LRRC37A2: variants seen among roughly 807,000 people sequenced by gnomAD.
LRRC37A2 encodes the protein leucine rich repeat containing 37 member A2, also known as leucine-rich repeat-containing protein 37A2.
A neutral mutation model predicts 68.8 loss-of-function variants in LRRC37A2; 9 were observed. The ratio of observed to expected loss-of-function variants is 0.13; its 90% CI spans 0.08 to 0.23. LRRC37A2 has a LOEUF of 0.23. Among genes scored for constraint, LRRC37A2 ranks in the 10% least tolerant of loss-of-function variants. LRRC37A2 has a pLI of 1.00. For synonymous variants in LRRC37A2, 63 were observed against 367.6 expected (o/e 0.17, Z 9.48); for missense variants, 168 against 950.4 (o/e 0.18, Z 10.82).
chr17:46,681,482 C>T, the LRRC37A2 span, among the ~76,000 whole-genome samples: 1 of 143,604 alleles, frequency 7.0e-6, no homozygotes, highest in African/African-American at 2.6e-5. Context: ...AGAATGAGAC[C>T]CTGTCTCAAA....
At chr17:46,818,682 A>C in the LRRC37A2 span, 1 of 1,311,064 alleles carries the variant, frequency 7.6e-7, no homozygotes, top group Non-Finnish European at 1.1e-6. Context: ...AGTCCACTTG[A>C]GATTGGAAAT....
At chr17:46,826,362 C>T in the LRRC37A2 span, among the ~76,000 whole-genome samples, 1 of 152,260 alleles carries the variant, frequency 6.6e-6, no homozygotes, top group Non-Finnish European at 1.5e-5. Context: ...CTGGCAAGGG[C>T]CTAGGCACAG....
At chr17:46,711,535 G>T in the LRRC37A2 span, among the ~76,000 whole-genome samples, 1 of 152,214 alleles carries the variant, frequency 6.6e-6, no homozygotes, top group Admixed American at 6.5e-5. Flanking sequence ...TACGGTGTAT[G>T]TGTGTAAAGG....
chr17:46,467,589 A>G, the LRRC37A2 span, among the ~76,000 whole-genome samples: 1 of 101,566 alleles, frequency 9.8e-6, no homozygotes, highest in East Asian at 2.4e-4. Context: ...TAAACTACTG[A>G]TGATAAAATT....
chr17:46,893,534 C>G, the LRRC37A2 span, among the ~76,000 whole-genome samples: 4 of 152,114 alleles, frequency 2.6e-5, no homozygotes, highest in African/African-American at 9.7e-5. Flanking sequence ...CTAGGGTAGT[C>G]TAGCCCATAT....
the LRRC37A2 span, among the ~76,000 whole-genome samples, chr17:46,848,640 C>T: frequency 2.6e-5 from 4 of 152,238 alleles, no homozygotes; most frequent in South Asian, 4.1e-4. Context: ...AGGAGGTACA[C>T]GATGCTCTGT....
At chr17:46,545,868 C>T (rs2056233741) in intron 8 of LRRC37A2, among the ~76,000 whole-genome samples, 1 of 150,264 alleles carries the variant, frequency 6.7e-6, no homozygotes, top group South Asian at 2.1e-4. Flanking sequence ...TATAATATTT[C>T]CCACTCCCAA....
At chr17:46,970,028 C>G in the LRRC37A2 span, among the ~76,000 whole-genome samples, 1 of 152,216 alleles carries the variant, frequency 6.6e-6, no homozygotes. Flanking sequence ...CAGCTAACCT[C>G]TCTGAGCTTC....
the LRRC37A2 span, among the ~76,000 whole-genome samples, chr17:46,785,659 C>T: frequency 1.3e-5 from 2 of 152,214 alleles, no homozygotes; most frequent in Non-Finnish European, 2.9e-5. Context: ...GCTCAGCTGC[C>T]AGGGACCACC....
chr17:46,981,187 T>G, the LRRC37A2 span, among the ~76,000 whole-genome samples: 3 of 152,228 alleles, frequency 2.0e-5, no homozygotes, highest in East Asian at 5.8e-4. Context: ...CATGGCAAAT[T>G]GGAGTGAAGG....
At chr17:46,803,904 A>G in the LRRC37A2 span, among the ~76,000 whole-genome samples, 2 of 152,168 alleles carry the variant, frequency 1.3e-5, no homozygotes, top group African/African-American at 4.8e-5. Flanking sequence ...GAGGGTGGGC[A>G]CAGGCTGTAG....
the LRRC37A2 span, among the ~76,000 whole-genome samples, chr17:46,858,340 G>A: frequency 6.6e-6 from 1 of 152,132 alleles, no homozygotes; most frequent in Admixed American, 6.6e-5. Flanking sequence ...AAGAACAGAT[G>A]TTTTTAATTT....
the LRRC37A2 span, among the ~76,000 whole-genome samples, chr17:46,685,224 C>T: frequency 1.4e-5 from 2 of 146,730 alleles, no homozygotes; most frequent in South Asian, 2.1e-4. Context: ...CACATGGCTG[C>T]ATAGGTAACT....
exon 10 of LRRC37A2, chr17:46,548,618 A>G (rs1159425771): frequency 6.2e-7 from 1 of 1,600,042 alleles, no homozygotes; most frequent in Non-Finnish European, 8.5e-7. Context: ...GTAGGCCAAA[A>G]CCGGCAGAGA....
At chr17:46,818,737 C>T in the LRRC37A2 span, 2 of 835,672 alleles carry the variant, frequency 2.4e-6, no homozygotes, top group Non-Finnish European at 3.9e-6. Flanking sequence ...GCAGCCGCCC[C>T]CCTCCCGAGC....
the LRRC37A2 span, among the ~76,000 whole-genome samples, chr17:46,956,340 G>T: frequency 7.8e-6 from 1 of 128,770 alleles, no homozygotes. Flanking sequence ...GCCCAGGCTG[G>T]AGTGCAATGC....
At chr17:46,839,789 T>C in the LRRC37A2 span, among the ~76,000 whole-genome samples, 1 of 152,146 alleles carries the variant, frequency 6.6e-6, no homozygotes, top group African/African-American at 2.4e-5. Flanking sequence ...TGGTTTTCTA[T>C]CCTTGTGATA....
chr17:47,005,190 A>C, the LRRC37A2 span, among the ~76,000 whole-genome samples: 2 of 152,158 alleles, frequency 1.3e-5, no homozygotes, highest in Admixed American at 1.3e-4. Flanking sequence ...TTTCCTTGGA[A>C]ATGTTTTCCT....
chr17:46,833,959 T>A, the LRRC37A2 span, among the ~76,000 whole-genome samples: 1 of 152,002 alleles, frequency 6.6e-6, no homozygotes, highest in African/African-American at 2.4e-5. Context: ...ATCTTGGGAG[T>A]CTGAGGCAGG....
Sources: allele counts gnomAD v4.1 joint callset (sites outside exome capture counted in the v4.1 genomes callset), GRCh38; gene constraint gnomAD v4.1.1; transcripts MANE v1.5; gene names NCBI Gene and HGNC (gene_info 2026-07-23, HGNC 2026-07-21).